Variants in COG3 observed in about 807,000 individuals in gnomAD.
COG3 encodes conserved oligomeric Golgi complex subunit 3.
In COG3, 32 loss-of-function variants were observed where a neutral mutation model predicts 114.1. The ratio of observed to expected loss-of-function variants is 0.28; its 90% confidence interval spans 0.21 to 0.38. COG3 has a LOEUF of 0.38. COG3 is among the 10% of genes least tolerant of loss of function. The pLI is 1.00. For missense variants in COG3, 813 were observed against 973.2 expected, an observed-to-expected ratio of 0.84 and a Z score of 2.19; for synonymous variants, 352 against 365.7, an observed-to-expected ratio of 0.96 and a Z score of 0.43.
chr13:45,484,301 A>C (rs1482202670), intron 7 of COG3, among the ~76,000 whole-genome samples: 1 of 152,100 alleles, frequency 6.6e-6, no homozygotes, highest in Non-Finnish European at 1.5e-5. Context: ...ACTGGTACCT[A>C]TTATGTGCTA....
chr13:45,467,000 G>A (rs1885182306), intron 1 of COG3, among the ~76,000 whole-genome samples: 1 of 152,198 alleles, frequency 6.6e-6, no homozygotes, highest in Non-Finnish European at 1.5e-5. Context: ...AAAGAACAAA[G>A]AAGGTATGTT....
intron 14 of COG3, among the ~76,000 whole-genome samples, chr13:45,508,742 A>C (rs1339630500): frequency 6.6e-6 from 1 of 152,088 alleles, no homozygotes; most frequent in African/African-American, 2.4e-5. Context: ...AAGTGATTGT[A>C]CTTCCCTTAC....
chr13:45,490,879 A>G, intron 8 of COG3, 36 bp from the exon 9 acceptor site: 2 of 1,327,472 alleles, frequency 1.5e-6, no homozygotes. Flanking sequence ...AATATAACAG[A>G]GATGGTTTTT....
rs1184894347 is a variant in COG3 at position 45,509,925 on chromosome 13, T to G, written c.1719+109T>G. ...TTGTTGGATATTCTTAAAATCATGA[T>G]TTTTAGATATGGAAGTAACTTGAGG... On this transcript the variant is annotated intron_variant, in intron 15 of 22. Coordinates refer to ENST00000349995, the MANE Select transcript of COG3 (RefSeq NM_031431.4). 4.4e-6 allele frequency: 5 copies of G among 1,142,924 alleles called. No homozygotes were observed. The Admixed American group carries it at 1.2e-4, about 27-fold the overall frequency. 70.8% of individuals were successfully genotyped at this position (1,142,924 alleles called of 1,614,324 possible). A position where few individuals can be genotyped will look rare whatever the true frequency, so the allele number is the denominator to read the frequency against.
intron 2 of COG3, 42 bp from the exon 3 acceptor site, chr13:45,478,963 C>T (rs531419586): frequency 1.4e-6 from 2 of 1,424,970 alleles, no homozygotes; most frequent in South Asian, 2.4e-5. Flanking sequence ...TTAATTTTGT[C>T]AGTTTTAGTT....
intron 20 of COG3, among the ~76,000 whole-genome samples, chr13:45,527,107 T>C (rs545814964): frequency 6.6e-6 from 1 of 152,324 alleles, no homozygotes; most frequent in South Asian, 2.1e-4. Flanking sequence ...ATAATTAACG[T>C]ATTGCTCTTT....
chr13:45,480,455 A>G (rs1410355920), intron 4 of COG3, among the ~76,000 whole-genome samples, 165 bp downstream of exon 4: 2 of 152,226 alleles, frequency 1.3e-5, no homozygotes, highest in Non-Finnish European at 2.9e-5. Context: ...CTACTTTTTA[A>G]GTGCATGTGA....
In COG3 at chr13:45,479,030, A is replaced by G; in HGVS notation, c.347A>G (p.Gln116Arg). The G allele has an allele frequency of 6.2e-7, 1 of 1,611,726 alleles. No individual in the cohort carries two copies. The highest frequency in any genetic ancestry group is 8.5e-7 in the Non-Finnish European group (1 of 1,179,232). ...QQFFSWFAKLQTQMDQDEGTK... is the reference protein window; with the variant it reads ...QQFFSWFAKLRTQMDQDEGTK... Reference sequence around the variant, plus strand: ...TTTTTCTCATGGTTTGCAAAGCTGCAAACTCAGATGGATCAAGATGAAGGA... The same window carrying G: ...TTTTTCTCATGGTTTGCAAAGCTGCGAACTCAGATGGATCAAGATGAAGGA... The change falls in exon 3 of 23, where the codon CAA becomes CGA. Residue 116 changes from glutamine to arginine, a missense_variant. By Grantham distance (43) the Gln-to-Arg change is conservative. Coordinates refer to ENST00000349995, the MANE Select transcript of COG3 (RefSeq NM_031431.4).
chr13:45,502,636 T>A (rs900833514), intron 13 of COG3, among the ~76,000 whole-genome samples: 39 of 152,116 alleles, frequency 2.6e-4, no homozygotes, highest in African/African-American at 3.6e-4. Flanking sequence ...TTTTTTTTTT[T>A]AATTTCAATA....
intron 1 of COG3, among the ~76,000 whole-genome samples, chr13:45,466,218 T>TA (rs1348623888): frequency 6.6e-6 from 1 of 152,130 alleles, no homozygotes; most frequent in Non-Finnish European, 1.5e-5. Flanking sequence ...TTTGTATTTT[T>TA]AGTAGAGATG....
chr13:45,502,467 A>T (rs3014958), intron 13 of COG3, among the ~76,000 whole-genome samples: 136,767 of 152,100 alleles, frequency 0.9, 61,630 homozygotes, highest in African/African-American at 0.94. Flanking sequence ...GCTTACTGTG[A>T]TTTTCTTTTG....
chr13:45,467,267 C>T (rs7326441), intron 1 of COG3, among the ~76,000 whole-genome samples: 15,358 of 152,176 alleles, frequency 0.1, 2,197 homozygotes, highest in African/African-American at 0.32. Flanking sequence ...TCTTCTGGTA[C>T]GTGCAGCTTG....
chr13:45,494,970 C>T (rs931498874), intron 12 of COG3, among the ~76,000 whole-genome samples: 7 of 150,340 alleles, frequency 4.7e-5, no homozygotes, highest in South Asian at 2.1e-4. Context: ...CTCAGCCTCC[C>T]GAGTAGCTGG....
At chr13:45,481,963 A>G (rs1214467251) in intron 5 of COG3, among the ~76,000 whole-genome samples, 1 of 152,174 alleles carries the variant, frequency 6.6e-6, no homozygotes, top group Non-Finnish European at 1.5e-5. Flanking sequence ...TTTTACTTTC[A>G]TAGTATGACT....
In COG3 at chr13:45,496,252, C is replaced by T. The variant is rs770657694; in HGVS notation, c.1428C>T (p.Ile476=). Residue 476 remains isoleucine (I), a synonymous_variant, in exon 13 of 23, where the codon ATC becomes ATT. Transcript: ENST00000349995. ...YRTHIYIQTD[I]TGYKPAPGDL... ...CCCACATCTATATTCAGACGGACAT[C>T]ACGGGCTATAAACCAGCTCCTGGAG... 1 of 1,612,268 alleles carries T rather than the reference C, an allele frequency of 6.2e-7. No individual in the cohort carries two copies. Among genetic ancestry groups the T allele is most frequent in the African/African-American group, 1.3e-5 (1 of 74,818 alleles).
chr13:45,524,887 C>A, intron 19 of COG3, 89 bp from the exon 20 acceptor site: 1 of 889,688 alleles, frequency 1.1e-6, no homozygotes, highest in Non-Finnish European at 1.8e-6. Context: ...TTGTGTATCC[C>A]TTGAGAGCAG....
intron 13 of COG3, among the ~76,000 whole-genome samples, chr13:45,500,321 T>G (rs185689346): frequency 1.2e-4 from 19 of 152,270 alleles, no homozygotes; most frequent in South Asian, 2.1e-4. Context: ...CTAATCTTGC[T>G]TAATTAGTTT....
intron 8 of COG3, among the ~76,000 whole-genome samples, chr13:45,489,494 A>G (rs139469197): frequency 2.6e-5 from 4 of 152,300 alleles, no homozygotes; most frequent in Non-Finnish European, 4.4e-5. Flanking sequence ...AAGAAAAGGT[A>G]TAGATAAGAG....
chr13:45,497,581 C>T (rs1424969817), intron 13 of COG3, among the ~76,000 whole-genome samples: 1 of 152,026 alleles, frequency 6.6e-6, no homozygotes, highest in Non-Finnish European at 1.5e-5. Flanking sequence ...CTCAGGAGTT[C>T]AAGACCAGCC....
Sources: allele counts gnomAD v4.1 joint callset (sites outside exome capture counted in the v4.1 genomes callset), GRCh38; gene constraint gnomAD v4.1.1; transcripts MANE v1.5; gene names NCBI Gene and HGNC (gene_info 2026-07-23, HGNC 2026-07-21).